Variants in PAAF1 observed in about 807,000 individuals in gnomAD.
PAAF1 encodes the protein proteasomal ATPase associated factor 1.
A neutral mutation model predicts 52.8 loss-of-function variants in PAAF1; 46 were observed. That is an observed-to-expected ratio of 0.87 (90% CI 0.69 to 1.11). The LOEUF (loss-of-function observed/expected upper bound fraction) is 1.11. Among genes scored for constraint, PAAF1 ranks in the 50% most tolerant of loss-of-function variants. The probability of loss-of-function intolerance (pLI) is 0.00; values close to 1 mark genes in which losing one functional copy is unlikely to be tolerated. For synonymous variants in PAAF1, 178 were observed against 172.8 expected, an observed-to-expected ratio of 1.03 and a Z score of -0.24; for missense variants, 424 against 477.4, an observed-to-expected ratio of 0.89 and a Z score of 1.04.
intron 5 of PAAF1, among the ~76,000 whole-genome samples, 164 bp downstream of exon 5, chr11:73,899,408 CTTTTTTTTTT>C (rs71065053): frequency 3.0e-5 from 3 of 101,222 alleles, no homozygotes; most frequent in Non-Finnish European, 3.9e-5. Context: ...TTCTTTTTCT[CTTTTTTTTTT>C]TTTTTTTTTT....
At chr11:73,880,437 C>T (rs1266873665) in intron 2 of PAAF1, 5 of 150,410 alleles carry the variant, frequency 3.3e-5, no homozygotes, top group Non-Finnish European at 7.4e-5. Flanking sequence ...TAGGATTGTG[C>T]CACTGTACTT....
chr11:73,884,068 C>T (rs76147299), intron 2 of PAAF1, among the ~76,000 whole-genome samples: 1,571 of 152,146 alleles, frequency 0.01, 30 homozygotes, highest in African/African-American at 0.034. Flanking sequence ...TGGTGACAGT[C>T]GGCACAGTTG....
intron 10 of PAAF1, chr11:73,921,678 C>T: frequency 2.5e-6 from 2 of 797,444 alleles, no homozygotes; most frequent in African/African-American, 1.7e-5. Context: ...TCTTGAAAGA[C>T]TCTAGCATGA....
In PAAF1 at chr11:73,929,727, G is replaced by A. The variant is rs1416166688; in HGVS notation, c.*2365G>A. ...AGAACTTAGAAACATTAAATCCTAG[G>A]AGCTCCAGGTGGAACATCTAAGAAG... On this transcript the variant is annotated 3_prime_UTR_variant, in exon 12 of 12. Coordinates refer to ENST00000310571, the MANE Select transcript of PAAF1 (RefSeq NM_025155.3). 1 of 152,228 alleles carries A rather than the reference G, an allele frequency of 6.6e-6. No homozygotes were observed. The highest frequency in any genetic ancestry group is 1.5e-5 in the Non-Finnish European group (1 of 68,072). The allele number at this position is 152,228 out of a possible 1,614,324, so 9.4% of individuals were successfully genotyped here.
intron 4 of PAAF1, among the ~76,000 whole-genome samples, chr11:73,898,138 G>A (rs1217229028): frequency 6.7e-6 from 1 of 148,846 alleles, no homozygotes; most frequent in Non-Finnish European, 1.5e-5. Flanking sequence ...CAGCAGTACC[G>A]TCCAGCTGGG....
intron 7 of PAAF1, among the ~76,000 whole-genome samples, chr11:73,910,079 G>C (rs1949887005): frequency 6.6e-6 from 1 of 152,160 alleles, no homozygotes; most frequent in African/African-American, 2.4e-5. Context: ...AATAATTAGT[G>C]ATTCTTTTTA....
chr11:73,893,016 T>C (rs1949240283), intron 4 of PAAF1, among the ~76,000 whole-genome samples: 1 of 152,212 alleles, frequency 6.6e-6, no homozygotes. Flanking sequence ...TGTCTTTCAA[T>C]GTATCCTTCT....
At chr11:73,921,175 C>G (rs941951299) in intron 10 of PAAF1, among the ~76,000 whole-genome samples, 14 of 151,986 alleles carry the variant, frequency 9.2e-5, no homozygotes, top group African/African-American at 3.4e-4. Context: ...TGGTGTGCAC[C>G]TGTAATCCCA....
intron 4 of PAAF1, among the ~76,000 whole-genome samples, chr11:73,896,085 A>C (rs1242168047): frequency 6.6e-6 from 1 of 152,196 alleles, no homozygotes; most frequent in African/African-American, 2.4e-5. Flanking sequence ...CTTCAGCCTG[A>C]GCAACAGAGT....
chr11:73,892,411 A>G (rs1237564684), intron 4 of PAAF1, among the ~76,000 whole-genome samples: 1 of 151,964 alleles, frequency 6.6e-6, no homozygotes, highest in East Asian at 1.9e-4. Context: ...ATGAAAATTT[A>G]GGACATGTAA....
intron 7 of PAAF1, among the ~76,000 whole-genome samples, chr11:73,911,943 C>A (rs1305190884): frequency 6.6e-6 from 1 of 152,076 alleles, no homozygotes; most frequent in Non-Finnish European, 1.5e-5. Context: ...CACCAGTGAC[C>A]TTCTTCTTGC....
intron 5 of PAAF1, 126 bp downstream of exon 5, chr11:73,899,370 C>T (rs1301055022): frequency 2.1e-5 from 11 of 517,798 alleles, no homozygotes; most frequent in South Asian, 5.2e-5. Context: ...GTCAGTTGAT[C>T]TCTTTTCTCC....
At position 73,928,043 on chromosome 11, in the gene PAAF1, G is replaced by A. The variant is rs999394271; in HGVS notation, c.*681G>A. ...AAACTGAATCATAAGCATTGTAAAG[G>A]CATTGGCTGTCAAAGTGTGGTTCTT... On this transcript the variant is annotated 3_prime_UTR_variant, in exon 12 of 12. Transcript: ENST00000310571. The A allele has an allele frequency of 6.6e-6, 1 of 152,286 alleles. No homozygotes were observed. The highest frequency in any genetic ancestry group is 2.4e-5 in the African/African-American group (1 of 41,426). 9.4% of individuals were successfully genotyped at this position (152,286 alleles called of 1,614,324 possible). A position where few individuals can be genotyped will look rare whatever the true frequency, so the allele number is the denominator to read the frequency against.
At chr11:73,921,548 G>A (rs1035426812) in intron 10 of PAAF1, 13 of 540,378 alleles carry the variant, frequency 2.4e-5, no homozygotes, top group Non-Finnish European at 4.3e-5. Context: ...TAAAGACATG[G>A]TCTTCTCTCT....
chr11:73,924,456 A>C (rs186787776), intron 10 of PAAF1, among the ~76,000 whole-genome samples, 159 bp from the exon 11 acceptor site: 1 of 152,252 alleles, frequency 6.6e-6, no homozygotes, highest in African/African-American at 2.4e-5. Context: ...CAAAAAACAA[A>C]AAAAAAGTTG....
chr11:73,924,682 T>C lies in PAAF1; in HGVS notation c.1086T>C (p.Cys362=). 6.2e-7 allele frequency: 1 copy of C among 1,613,968 alleles called. No individual in the cohort carries two copies. Among genetic ancestry groups the C allele is most frequent in the South Asian group, 1.1e-5 (1 of 91,080 alleles). The stretch of plus-strand genomic sequence containing the variant: ...TCACTGAGCTCACTGGGGCTGACTG[T>C]GACCCTGTGTACAAGGTACAGGCCT... The part of the protein sequence containing the change: ...DYVTELTGAD[C]DPVYKVATWE... Residue 362 remains cysteine, a synonymous_variant, in exon 11 of 12, where the codon TGT becomes TGC. Transcript: ENST00000310571.
chr11:73,881,934 G>A (rs991817429), intron 2 of PAAF1, among the ~76,000 whole-genome samples: 4 of 151,944 alleles, frequency 2.6e-5, no homozygotes, highest in African/African-American at 9.7e-5. Context: ...AAGTGCAATG[G>A]TGCCATCTTG....
intron 4 of PAAF1, among the ~76,000 whole-genome samples, chr11:73,895,662 G>C (rs140858097): frequency 0.01 from 1,579 of 152,282 alleles, 35 homozygotes; most frequent in Non-Finnish European, 0.012. Context: ...ATTGTTGCTG[G>C]GAATGTGTCT....
chr11:73,903,495 T>G (rs1037682279), intron 6 of PAAF1, among the ~76,000 whole-genome samples: 2 of 151,986 alleles, frequency 1.3e-5, no homozygotes, highest in African/African-American at 4.8e-5. Context: ...GGCGGGTGGA[T>G]CATCTGAGGT....
Sources: gnomAD v4.1 joint callset for allele counts (sites outside exome capture counted in the v4.1 genomes callset) on GRCh38, gnomAD v4.1.1 for gene constraint, MANE v1.5 for transcripts, NCBI Gene and HGNC (gene_info 2026-07-23, HGNC 2026-07-21) for gene names.